ZFHX3: variants seen among roughly 807,000 people sequenced by gnomAD.
ZFHX3 encodes the protein zinc finger homeobox 3, also known as zinc finger homeobox protein 3.
Under a neutral mutation model 279.1 loss-of-function variants are expected in ZFHX3, and 42 were observed. That is an observed-to-expected ratio of 0.15 (90% CI 0.12 to 0.19). The LOEUF (loss-of-function observed/expected upper bound fraction) is 0.19, where lower values mean the gene tolerates loss of function less well. Ranked by LOEUF, ZFHX3 falls within the 10% of genes least tolerant of loss-of-function variation. The pLI is 1.00. For synonymous variants in ZFHX3, 2,293 were observed against 1,957.8 expected (o/e 1.17, Z -4.52); for missense variants, 4,981 against 4,754.0 (o/e 1.05, Z -1.40).
chr16:72,858,461 G>GA (rs2037806200), intron 4 of ZFHX3, among the ~76,000 whole-genome samples: 1 of 152,150 alleles, frequency 6.6e-6, no homozygotes, highest in Non-Finnish European at 1.5e-5. Flanking sequence ...AGGATGAGGT[G>GA]AAAATAAAGA....
intron 1 of ZFHX3, among the ~76,000 whole-genome samples, chr16:73,884,496 G>A (rs909970648): frequency 1.3e-5 from 2 of 152,122 alleles, no homozygotes; most frequent in Non-Finnish European, 2.9e-5. Context: ...AAGAAACATG[G>A]AAAAATCATG....
chr16:73,815,973 T>C (rs1009985376), intron 1 of ZFHX3: 1 of 152,338 alleles, frequency 6.6e-6, no homozygotes, highest in East Asian at 1.9e-4. Flanking sequence ...ACTTTTCAAG[T>C]AACTAAAGTG....
intron 2 of ZFHX3, among the ~76,000 whole-genome samples, chr16:73,652,822 GAAT>G (rs535597183): frequency 1.9e-4 from 29 of 152,096 alleles, no homozygotes; most frequent in African/African-American, 3.9e-4. Flanking sequence ...ACAAAAAATA[GAAT>G]GATGAAAAAT....
At chr16:73,653,948 G>T (rs2052696314) in intron 2 of ZFHX3, among the ~76,000 whole-genome samples, 1 of 152,166 alleles carries the variant, frequency 6.6e-6, no homozygotes, top group Non-Finnish European at 1.5e-5. Flanking sequence ...ACTTTGAGAG[G>T]CCGAGGCGGG....
intron 1 of ZFHX3, among the ~76,000 whole-genome samples, chr16:73,886,416 A>T (rs2030348396): frequency 6.6e-6 from 1 of 152,220 alleles, no homozygotes; most frequent in Admixed American, 6.5e-5. Flanking sequence ...TAAACACAGG[A>T]GCAAAATAAG....
At position 73,735,392 on chromosome 16, in the gene ZFHX3, A is replaced by T. The variant is rs563472651; in HGVS notation, c.-1607-55152T>A. 9.2e-5 allele frequency among the ~76,000 whole-genome samples: 14 copies of T among 151,732 alleles called. No individual in the cohort carries two copies. In the East Asian group the frequency reaches 2.5e-3, roughly 27 times the overall value. On this transcript the variant is annotated intron_variant, in intron 1 of 17. Transcript: ENST00000641206. ...TTCCATGTGTGCTTCTAAAAAAAAAAAAAAAAAAAAGAACTCCCCATTCTC... is the reference window on the plus strand; with the variant it reads ...TTCCATGTGTGCTTCTAAAAAAAAATAAAAAAAAAAGAACTCCCCATTCTC...
At chr16:73,507,387 C>T (rs529471947) in intron 2 of ZFHX3, among the ~76,000 whole-genome samples, 5 of 151,972 alleles carry the variant, frequency 3.3e-5, no homozygotes, top group South Asian at 4.2e-4. Flanking sequence ...CCTAGAAGAA[C>T]CATTTAAACC....
intron 3 of ZFHX3, among the ~76,000 whole-genome samples, chr16:73,434,223 T>G (rs984085679): frequency 6.8e-6 from 1 of 146,272 alleles, no homozygotes; most frequent in Non-Finnish European, 1.5e-5. Context: ...ATTGAAAATA[T>G]GTGCTGCGAC....
At chr16:73,568,748 G>A (rs899480685) in intron 2 of ZFHX3, among the ~76,000 whole-genome samples, 2 of 152,194 alleles carry the variant, frequency 1.3e-5, no homozygotes, top group Admixed American at 1.3e-4. Flanking sequence ...GCTGGCTTCA[G>A]AGCTTCCGGG....
intron 2 of ZFHX3, among the ~76,000 whole-genome samples, chr16:73,472,725 G>A (rs538793091): frequency 1.3e-5 from 2 of 152,172 alleles, no homozygotes; most frequent in Admixed American, 6.5e-5. Flanking sequence ...GCGATCAGGG[G>A]ATTGGTTAGT....
At chr16:72,836,617 A>G (rs1033387731) in intron 4 of ZFHX3, among the ~76,000 whole-genome samples, 2 of 152,166 alleles carry the variant, frequency 1.3e-5, no homozygotes, top group Non-Finnish European at 2.9e-5. Flanking sequence ...GAATTTGCCA[A>G]TCTCCATGGA....
At chr16:73,803,021 G>C (rs1960183556) in intron 1 of ZFHX3, among the ~76,000 whole-genome samples, 1 of 152,044 alleles carries the variant, frequency 6.6e-6, no homozygotes, top group South Asian at 2.1e-4. Flanking sequence ...GGCTGGTCTT[G>C]AACTCCTGAC....
chr16:73,456,146 C>G (rs112450407), exon 3 of ZFHX3: 1 of 152,194 alleles, frequency 6.6e-6, no homozygotes, highest in South Asian at 2.1e-4. Flanking sequence ...GAGTCAGGAG[C>G]CTTTCTCCTC....
At chr16:73,190,229 A>C (rs1967999959) in intron 5 of ZFHX3, among the ~76,000 whole-genome samples, 1 of 152,246 alleles carries the variant, frequency 6.6e-6, no homozygotes, top group Non-Finnish European at 1.5e-5. Context: ...CAGCTGGTGA[A>C]TTCATTTTGG....
intron 3 of ZFHX3, chr16:73,420,299 A>G (rs549367000): frequency 1.3e-5 from 2 of 152,378 alleles, no homozygotes; most frequent in South Asian, 4.1e-4. Context: ...CTCATTGTGA[A>G]TAATTTACTA....
chr16:73,260,249 T>A (rs1271615216), intron 4 of ZFHX3, among the ~76,000 whole-genome samples: 1 of 152,210 alleles, frequency 6.6e-6, no homozygotes, highest in Non-Finnish European at 1.5e-5. Context: ...CATATGTCAG[T>A]TTGTCCCAAT....
chr16:73,711,347 A>C (rs1166228885), intron 1 of ZFHX3, among the ~76,000 whole-genome samples: 1 of 152,236 alleles, frequency 6.6e-6, no homozygotes, highest in African/African-American at 2.4e-5. Context: ...GTCAGGATTT[A>C]ATAATTATTG....
chr16:73,513,952 G>A (rs758923486), intron 2 of ZFHX3, among the ~76,000 whole-genome samples: 2 of 152,156 alleles, frequency 1.3e-5, no homozygotes, highest in Non-Finnish European at 2.9e-5. Context: ...GAAGAAGGCT[G>A]CACAAAGAAA....
intron 3 of ZFHX3, among the ~76,000 whole-genome samples, chr16:72,917,113 C>T (rs13332168): frequency 0.11 from 16,236 of 152,088 alleles, 1,183 homozygotes; most frequent in African/African-American, 0.2. Context: ...TCATGGCACG[C>T]GCCTATAGTC....
Sources: allele counts gnomAD v4.1 joint callset (sites outside exome capture counted in the v4.1 genomes callset), GRCh38; gene constraint gnomAD v4.1.1; transcripts MANE v1.5; gene names NCBI Gene and HGNC (gene_info 2026-07-23, HGNC 2026-07-21).